The following MIP variants were observed in gnomAD, a reference collection of about 807,000 sequenced individuals.
MIP encodes the protein lens fiber major intrinsic protein.
A neutral mutation model predicts 21.8 loss-of-function variants in MIP; 14 were observed. The observed-to-expected ratio is 0.64, with a 90% CI of 0.42 to 1.00. The LOEUF is 1.00. Among genes scored for constraint, MIP ranks in the 50% least tolerant of loss-of-function variants. The pLI is 0.00. For missense variants in MIP, 260 were observed against 333.5 expected (o/e 0.78, Z 1.72); for synonymous variants, 133 against 141.4 (o/e 0.94, Z 0.42).
chr12:56,451,045 C>T lies in MIP; in HGVS notation c.*235G>A, dbSNP rs1334532096. ...CATTCATATGCACAATCAGCACACA[C>T]GGCGAAGGGTGGTGGGATGGGGAGG... On this transcript the variant is annotated 3_prime_UTR_variant, in exon 4 of 4. Coordinates refer to ENST00000652304, the MANE Select transcript of MIP (RefSeq NM_012064.4). 1.9e-5 allele frequency: 10 copies of T among 537,178 alleles called. No individual in the cohort carries two copies. Among genetic ancestry groups the T allele is most frequent in the Admixed American group, 9.7e-5 (3 of 30,982 alleles). 33.3% of individuals were successfully genotyped at this position (537,178 alleles called of 1,614,324 possible).
Position 56,454,450 on chromosome 12 carries a change from A to T in MIP, c.164T>A (p.Leu55Gln). ...AMAFGLALAT[L>Q]VQSVGHISGA... ...ACTGATGTGGCCCACAGACTGCACC[A>T]GTGTAGCCAGGGCCAAGCCAAATGC... Residue 55 changes from leucine (L) to glutamine (Q), a missense_variant, in exon 1 of 4, where the codon CTG (leucine) becomes CAG (glutamine). Coordinates refer to ENST00000652304, the MANE Select transcript of MIP (RefSeq NM_012064.4). 1 of 1,614,080 alleles carries T rather than the reference A, an allele frequency of 6.2e-7. No homozygotes were observed.
rs745496425 is a variant in MIP at position 56,453,052 on chromosome 12, G to T, written c.606+20C>A. 5 of 1,542,266 alleles carry T rather than the reference G, an allele frequency of 3.2e-6. No individual in the cohort carries two copies. The South Asian group carries it at 3.3e-5, about 10-fold the overall frequency. On this transcript the variant is annotated intron_variant, in intron 3 of 3. Coordinates refer to ENST00000652304, the MANE Select transcript of MIP (RefSeq NM_012064.4). ...CCATCCAGAAGGGCTTCAGGATCTT[G>T]CCCCTCTCCCTTCACTCACCCAGTG...
upstream of MIP, among the ~76,000 whole-genome samples, chr12:56,456,182 C>T (rs1868785240): frequency 6.6e-6 from 1 of 152,168 alleles, no homozygotes; most frequent in Admixed American, 6.5e-5. Flanking sequence ...GTAATGCTCC[C>T]AGATCCCAGT....
upstream of MIP, among the ~76,000 whole-genome samples, chr12:56,456,147 TG>T (rs1868784336): frequency 6.6e-6 from 1 of 152,180 alleles, no homozygotes. Context: ...CTTAAGGCCC[TG>T]TAACCCTCAG....
At chr12:56,451,677 T>C (rs1380723558) in intron 3 of MIP, among the ~76,000 whole-genome samples, 1 of 152,232 alleles carries the variant, frequency 6.6e-6, no homozygotes, top group African/African-American at 2.4e-5. Context: ...CTAGTTTGTA[T>C]GTTGCTTTCA....
At chr12:56,452,751 AC>A (rs1426151676) in intron 3 of MIP, 2 of 404,566 alleles carry the variant, frequency 4.9e-6, no homozygotes, top group Non-Finnish European at 9.4e-6. Flanking sequence ...TGCTCACAAC[AC>A]ATCTTGATCT....
rs1468719666 is a variant in MIP, at chr12:56,454,398, AG to A, written c.215del (p.Thr72IlefsTer45). 6.2e-7 allele frequency: 1 copy of A among 1,614,156 alleles called. No individual in the cohort carries two copies. On this transcript the variant is annotated frameshift_variant, in exon 1 of 4. Transcript: ENST00000652304. LOFTEE classifies it high-confidence loss of function. Reference protein sequence around the residue: ...ISGAHVNPAVTFAFLVGSQMS... With the variant: ...ISGAHVNPAVXFAFLVGSQMS... ...TCTGGGAGCCCACAAGGAAAGCAAAAGTGACTGCAGGATTGACGTGGGCTCC... is the reference window on the plus strand; with the variant it reads ...TCTGGGAGCCCACAAGGAAAGCAAAATGACTGCAGGATTGACGTGGGCTCC...
Position 56,450,550 on chromosome 12 carries a change from G to A in MIP, c.*730C>T, listed in dbSNP as rs995621091. ...CATTATGTCAGAATGAACACAACCA[G>A]CCAGCGGATGTAGACAGGTTTACGT... On this transcript the variant is annotated 3_prime_UTR_variant, in exon 4 of 4. Transcript: ENST00000652304. 2 of 152,352 alleles carry A rather than the reference G, an allele frequency of 1.3e-5. No individual in the cohort carries two copies. Among genetic ancestry groups the A allele is most frequent in the Admixed American group, 1.3e-4 (2 of 15,268 alleles). 9.4% of individuals were successfully genotyped at this position (152,352 alleles called of 1,614,324 possible).
rs1035066297 is a variant in MIP at position 56,453,208 on chromosome 12, C to G, written c.526-56G>C. 3.1e-5 allele frequency: 40 copies of G among 1,275,832 alleles called. 1 individual carries two copies. In the Admixed American group the frequency reaches 4.8e-4, roughly 15 times the overall value. 79.0% of individuals were successfully genotyped at this position (1,275,832 alleles called of 1,614,324 possible). Reference sequence around the variant, plus strand: ...CCCCCTACTGCACCCCAGCTTCTCTCCCCACAACCCACATTGCCCCTGAGA... The same window carrying G: ...CCCCCTACTGCACCCCAGCTTCTCTGCCCACAACCCACATTGCCCCTGAGA... On this transcript the variant is annotated intron_variant, in intron 2 of 3. Coordinates refer to ENST00000652304, the MANE Select transcript of MIP (RefSeq NM_012064.4).
In MIP at chr12:56,449,992, G is replaced by A. The variant is rs1211846360; in HGVS notation, c.*1288C>T. ...ACTGTAGTGTGCGATGATCGTGCCTGTGAATATCCATTGCACTCCAACCTG... is the reference window on the plus strand; with the variant it reads ...ACTGTAGTGTGCGATGATCGTGCCTATGAATATCCATTGCACTCCAACCTG... On this transcript the variant is annotated 3_prime_UTR_variant, in exon 4 of 4. Transcript: ENST00000652304. The A allele has an allele frequency of 6.6e-6, 1 of 151,524 alleles. No individual in the cohort carries two copies. The highest frequency in any genetic ancestry group is 1.5e-5 in the Non-Finnish European group (1 of 67,974). 9.4% of individuals were successfully genotyped at this position (151,524 alleles called of 1,614,324 possible). A position where few individuals can be genotyped will look rare whatever the true frequency, so the allele number is the denominator to read the frequency against.
chr12:56,450,565 C>T lies in MIP; in HGVS notation c.*715G>A, dbSNP rs3809125. On this transcript the variant is annotated 3_prime_UTR_variant, in exon 4 of 4. Coordinates refer to ENST00000652304, the MANE Select transcript of MIP (RefSeq NM_012064.4). Reference sequence around the variant, plus strand: ...AACACAACCAGCCAGCGGATGTAGACAGGTTTACGTGGCTTTACAGAACAG... The same window carrying T: ...AACACAACCAGCCAGCGGATGTAGATAGGTTTACGTGGCTTTACAGAACAG... 49,678 of 152,224 alleles carry T rather than the reference C, an allele frequency of 0.33. 9,439 individuals carry two copies. Among genetic ancestry groups the T allele is most frequent in the South Asian group, 0.43 (2,080 of 4,824 alleles). 9.4% of individuals were successfully genotyped at this position (152,224 alleles called of 1,614,324 possible).
chr12:56,454,290 G>A lies in MIP; in HGVS notation c.324C>T (p.Thr108=), dbSNP rs1868723729. The A allele has an allele frequency of 6.2e-7, 1 of 1,614,064 alleles. No homozygotes were observed. Among genetic ancestry groups the A allele is most frequent in the Non-Finnish European group, 8.5e-7 (1 of 1,180,010 alleles). Residue 108 remains threonine (T), a synonymous_variant, in exon 1 of 4, where the codon ACC becomes ACT. Transcript: ENST00000652304. ...VAGAAVLYSV[T]PPAVRGNLAL... is the part of the protein sequence containing the mutation. Reference sequence around the variant, plus strand: ...CTAGGTTTCCTCGGACAGCAGGTGGGGTAACGCTATACAGCACAGCGGCCC... The same window carrying A: ...CTAGGTTTCCTCGGACAGCAGGTGGAGTAACGCTATACAGCACAGCGGCCC...
rs1333698981 is a variant in MIP, at chr12:56,450,728, C to G, written c.*552G>C. The G allele has an allele frequency of 6.3e-6, 1 of 158,676 alleles. No individual in the cohort carries two copies. Among genetic ancestry groups the G allele is most frequent in the Non-Finnish European group, 1.4e-5 (1 of 71,876 alleles). 9.8% of individuals were successfully genotyped at this position (158,676 alleles called of 1,614,324 possible). On this transcript the variant is annotated 3_prime_UTR_variant, in exon 4 of 4. Coordinates refer to ENST00000652304, the MANE Select transcript of MIP (RefSeq NM_012064.4). ...GGTACACCTACATCCTGATCTGGGG[C>G]TAATACTCCGTTTTCACCACCCACC...
At chr12:56,452,907 T>C in intron 3 of MIP, 165 bp downstream of exon 3, 1 of 680,682 alleles carries the variant, frequency 1.5e-6, no homozygotes. Flanking sequence ...AGCAAAATCA[T>C]GAATCCTGCT....
chr12:56,453,541 T>C (rs555277590), intron 2 of MIP, 50 bp downstream of exon 2: 1 of 1,611,406 alleles, frequency 6.2e-7, no homozygotes, highest in Admixed American at 1.7e-5. Context: ...TGGGAAAGGT[T>C]TAGGGGCCCC....
upstream of MIP, chr12:56,454,722 G>A: frequency 7.1e-7 from 1 of 1,413,760 alleles, no homozygotes; most frequent in Non-Finnish European, 9.7e-7. Context: ...GGCAGGCTGA[G>A]GTAGCAGGCC....
intron 3 of MIP, chr12:56,452,709 A>T (rs1400317863): frequency 3.0e-6 from 1 of 334,858 alleles, no homozygotes; most frequent in Non-Finnish European, 5.8e-6. Flanking sequence ...CCGATAACGT[A>T]TTAGAACTGG....
At chr12:56,451,601 A>AT in intron 3 of MIP, 136 bp from the exon 4 acceptor site, 1 of 697,472 alleles carries the variant, frequency 1.4e-6, no homozygotes, top group South Asian at 1.8e-5. Context: ...TTATTTTCTG[A>AT]TTCATCAAAT....
chr12:56,453,445 A>G, intron 2 of MIP, 146 bp downstream of exon 2: 1 of 899,312 alleles, frequency 1.1e-6, no homozygotes, highest in Non-Finnish European at 1.8e-6. Context: ...GGGATAGGGC[A>G]GAGTTGATTC....
Sources: gnomAD v4.1 joint callset for allele counts (sites outside exome capture counted in the v4.1 genomes callset) on GRCh38, gnomAD v4.1.1 for gene constraint, MANE v1.5 for transcripts, NCBI Gene and HGNC (gene_info 2026-07-23, HGNC 2026-07-21) for gene names.